CSK: variants seen among roughly 807,000 people sequenced by gnomAD.
CSK encodes C-terminal Src kinase.
Under a neutral mutation model 62.3 loss-of-function variants are expected in CSK, and 7 were observed. The ratio of observed to expected loss-of-function variants is 0.11; its 90% CI spans 0.06 to 0.21. CSK has a LOEUF of 0.21. Among genes scored for constraint, CSK ranks in the 10% least tolerant of loss-of-function variants. CSK has a pLI of 1.00. For missense variants in CSK, 294 were observed against 613.5 expected (o/e 0.48, Z 5.50); for synonymous variants, 237 against 246.0 (o/e 0.96, Z 0.34).
intron 1 of CSK, among the ~76,000 whole-genome samples, chr15:74,787,885 C>T (rs1236650893): frequency 6.6e-6 from 1 of 152,232 alleles, no homozygotes; most frequent in Non-Finnish European, 1.5e-5. Context: ...TATCTATCTG[C>T]AGCTTGTGCT....
Position 74,801,582 on chromosome 15 carries a change from C to G in CSK, c.874C>G (p.Leu292Val). The change falls in exon 10 of 13, where the codon CTC becomes GTC. Residue 292 changes from leucine (L) to valine (V), a missense_variant. Coordinates refer to ENST00000220003, the MANE Select transcript of CSK (RefSeq NM_004383.3). ...GTCAGTGCTGGGCGGAGACTGTCTC[C>G]TCAAGTTCTCGCTGTGAGTGAAGCA... The part of the protein sequence containing the change: ...GRSVLGGDCL[L>V]KFSLDVCEAM... 1.2e-6 allele frequency: 2 copies of G among 1,613,968 alleles called. No individual in the cohort carries two copies. The highest frequency in any genetic ancestry group is 2.7e-5 in the African/African-American group (2 of 75,042).
At chr15:74,793,630 G>A (rs2063659239) in intron 1 of CSK, among the ~76,000 whole-genome samples, 1 of 152,224 alleles carries the variant, frequency 6.6e-6, no homozygotes, top group African/African-American at 2.4e-5. Context: ...TAGCTTCTCT[G>A]TCTCAGAGTT....
chr15:74,799,210 G>A, intron 4 of CSK, 62 bp from the exon 5 acceptor site: 1 of 1,521,788 alleles, frequency 6.6e-7, no homozygotes, highest in Admixed American at 1.8e-5. Context: ...AACCCCTTCA[G>A]AAAGGGGAGC....
At chr15:74,801,424 C>T (rs2063790949) in intron 9 of CSK, 98 bp from the exon 10 acceptor site, 1 of 1,208,044 alleles carries the variant, frequency 8.3e-7, no homozygotes, top group Admixed American at 2.2e-5. Context: ...TGTCTCACAC[C>T]TCCCTGGAGT....
chr15:74,794,861 C>T (rs1392998850), intron 1 of CSK, among the ~76,000 whole-genome samples: 1 of 152,132 alleles, frequency 6.6e-6, no homozygotes, highest in Non-Finnish European at 1.5e-5. Context: ...CCTGCTGAGG[C>T]CCCATCGCCC....
chr15:74,802,185 G>A lies in CSK; in HGVS notation c.1170+102G>A, dbSNP rs191495346. 7.3e-4 allele frequency: 1,026 copies of A among 1,414,944 alleles called. 7 individuals are homozygous for A. The African/African-American group carries it at 0.013, about 18-fold the overall frequency. The allele number at this position is 1,414,944 out of a possible 1,614,324, so 87.6% of individuals were successfully genotyped here. A position where few individuals can be genotyped will look rare whatever the true frequency, so the allele number is the denominator to read the frequency against. On this transcript the variant is annotated intron_variant, in intron 12 of 12. Transcript: ENST00000220003. ...CTGCCTCCCCAATCAAGGCCTAGAAGCCTCAGGCCTGCCCTGGGGAGCTCA... is the reference window on the plus strand; with the variant it reads ...CTGCCTCCCCAATCAAGGCCTAGAAACCTCAGGCCTGCCCTGGGGAGCTCA...
chr15:74,795,563 C>T (rs935651122), intron 1 of CSK, among the ~76,000 whole-genome samples: 3 of 152,176 alleles, frequency 2.0e-5, no homozygotes, highest in African/African-American at 7.2e-5. Flanking sequence ...TAGTTCCAGC[C>T]CCTCTGCTTC....
At chr15:74,792,046 C>CT (rs1376647889) in intron 1 of CSK, among the ~76,000 whole-genome samples, 2 of 152,308 alleles carry the variant, frequency 1.3e-5, no homozygotes, top group East Asian at 1.9e-4. Context: ...TTTCCATACT[C>CT]TATCATGGGG....
chr15:74,794,592 G>C (rs1165696942), intron 1 of CSK, among the ~76,000 whole-genome samples: 1 of 152,110 alleles, frequency 6.6e-6, no homozygotes, highest in African/African-American at 2.4e-5. Flanking sequence ...CAGGGGATGG[G>C]GCAGGGGCGC....
intron 1 of CSK, among the ~76,000 whole-genome samples, chr15:74,785,940 C>T (rs2063509163): frequency 6.6e-6 from 1 of 151,848 alleles, no homozygotes; most frequent in African/African-American, 2.4e-5. Context: ...TCCACCCATT[C>T]CCCTTCCGGT....
At position 74,800,935 on chromosome 15, in the gene CSK, G is replaced by A. The variant is rs751132824; in HGVS notation, c.722+13G>A. 8.7e-6 allele frequency: 14 copies of A among 1,612,824 alleles called. No individual in the cohort carries two copies. Among genetic ancestry groups the A allele is most frequent in the East Asian group, 6.7e-5 (3 of 44,882 alleles). On this transcript the variant is annotated intron_variant, in intron 8 of 12. Transcript: ENST00000220003. ...CCTCAGTCATGACGTGAGTGGGGGCGGGGTAGGGGGGAGGTTGGCCTAGGT... is the reference window on the plus strand; with the variant it reads ...CCTCAGTCATGACGTGAGTGGGGGCAGGGTAGGGGGGAGGTTGGCCTAGGT...
intron 1 of CSK, among the ~76,000 whole-genome samples, chr15:74,791,738 AGTT>A: frequency 6.6e-6 from 1 of 152,176 alleles, no homozygotes. Context: ...AGTCCGGGCC[AGTT>A]GTTCTGGATT....
intron 5 of CSK, among the ~76,000 whole-genome samples, 195 bp from the exon 6 acceptor site, chr15:74,800,217 G>A (rs747875704): frequency 2.6e-5 from 4 of 152,160 alleles, no homozygotes; most frequent in African/African-American, 4.8e-5. Context: ...ATGTAGGGTG[G>A]CATGGGAAAT....
Position 74,801,494 on chromosome 15 carries a change from C to T in CSK, c.814-28C>T, listed in dbSNP as rs1478193903. 2.0e-5 allele frequency: 32 copies of T among 1,600,732 alleles called. 1 individual carries two copies. The highest frequency in any genetic ancestry group is 4.5e-5 in the East Asian group (2 of 44,702). On this transcript the variant is annotated intron_variant, in intron 9 of 12. Transcript: ENST00000220003. The stretch of plus-strand genomic sequence containing the variant: ...GAGGGCTGCAGGGCACGTCTGACCT[C>T]GGCCTGGTCTGTCCTTCCTGCCCCC...
chr15:74,787,635 T>G (rs1234786382), intron 1 of CSK, among the ~76,000 whole-genome samples: 1 of 152,102 alleles, frequency 6.6e-6, no homozygotes, highest in Non-Finnish European at 1.5e-5. Flanking sequence ...CATCACACAC[T>G]AGCTGTGCAC....
intron 1 of CSK, among the ~76,000 whole-genome samples, chr15:74,795,284 G>T (rs1028184155): frequency 1.3e-5 from 2 of 152,042 alleles, no homozygotes; most frequent in African/African-American, 4.8e-5. Flanking sequence ...GCACTAAAAT[G>T]TCTTCTCCCG....
At position 74,802,841 on chromosome 15, in the gene CSK, T is replaced by C; in HGVS notation, c.*328T>C. 1 of 258,166 alleles carries C rather than the reference T, an allele frequency of 3.9e-6. No individual in the cohort carries two copies. Among genetic ancestry groups the C allele is most frequent in the Non-Finnish European group, 7.3e-6 (1 of 136,762 alleles). 16.0% of individuals were successfully genotyped at this position (258,166 alleles called of 1,614,324 possible). ...TGAGATTTTTTTTCCGTGTGTTTAT[T>C]TTTTATTATTTTTCAAGATAAGGAG... On this transcript the variant is annotated 3_prime_UTR_variant, in exon 13 of 13. Transcript: ENST00000220003.
At chr15:74,797,482 CT>C (rs1366550140) in intron 1 of CSK, among the ~76,000 whole-genome samples, 3 of 152,138 alleles carry the variant, frequency 2.0e-5, no homozygotes, top group African/African-American at 7.2e-5. Context: ...CGAGATTGTG[CT>C]ACTGCACTCC....
At chr15:74,802,248 A>T in intron 12 of CSK, 83 bp from the exon 13 acceptor site, 2 of 1,459,174 alleles carry the variant, frequency 1.4e-6, no homozygotes, top group East Asian at 4.6e-5. Flanking sequence ...GGCAAAGCTG[A>T]TGGGCATCCC....
Sources: gnomAD v4.1 joint callset for allele counts (sites outside exome capture counted in the v4.1 genomes callset) on GRCh38, gnomAD v4.1.1 for gene constraint, MANE v1.5 for transcripts, NCBI Gene and HGNC (gene_info 2026-07-23, HGNC 2026-07-21) for gene names.